Variants in NRG1 observed in about 807,000 individuals in gnomAD.
NRG1 encodes the protein pro-neuregulin-1, membrane-bound isoform.
A neutral mutation model predicts 63.8 loss-of-function variants in NRG1; 18 were observed. That is an observed-to-expected ratio of 0.28 (90% CI 0.19 to 0.42). The LOEUF is 0.42. Ranked by LOEUF, NRG1 falls within the 10% of genes least tolerant of loss-of-function variation. NRG1 has a pLI of 1.00. For missense variants in NRG1, 762 were observed against 814.7 expected (o/e 0.94, Z 0.79); for synonymous variants, 302 against 301.3 (o/e 1.00, Z -0.02).
At chr8:32,527,071 A>T (rs930757129) in intron 1 of NRG1, among the ~76,000 whole-genome samples, 2 of 152,312 alleles carry the variant, frequency 1.3e-5, no homozygotes, top group African/African-American at 2.4e-5. Context: ...ACTCAAAGAC[A>T]TTGCAAACTT....
rs533159058 is a variant in NRG1 at position 32,016,422 on chromosome 8, A to AAT, written c.37+377002_37+377003dup. Reference sequence around the variant, plus strand: ...ATGGAATAATTTATTTAGTGCTTTAAATATATATATATGTCACTAAGCCAT... The same window carrying AAT: ...ATGGAATAATTTATTTAGTGCTTTAAATATATATATATATGTCACTAAGCCAT... On this transcript the variant is annotated intron_variant, in intron 1 of 10. Transcript: ENST00000519301. Among the ~76,000 whole-genome samples the AAT allele has an allele frequency of 9.9e-5, 15 of 151,956 alleles. No homozygotes were observed. The East Asian group carries it at 1.7e-3, about 18-fold the overall frequency.
At chr8:31,720,405 C>A (rs1563326857) in intron 1 of NRG1, among the ~76,000 whole-genome samples, 1 of 152,152 alleles carries the variant, frequency 6.6e-6, no homozygotes. Context: ...CGGTAGATTG[C>A]TGCACAGATC....
intron 1 of NRG1, among the ~76,000 whole-genome samples, chr8:31,813,471 TC>T (rs1278003663): frequency 6.9e-6 from 1 of 145,968 alleles, no homozygotes; most frequent in Non-Finnish European, 1.5e-5. Flanking sequence ...GTCACTTTGA[TC>T]ATTGACTTTG....
At chr8:32,433,927 C>T (rs1326280111) in intron 1 of NRG1, among the ~76,000 whole-genome samples, 1 of 152,118 alleles carries the variant, frequency 6.6e-6, no homozygotes, top group East Asian at 1.9e-4. Flanking sequence ...AGACTTCACA[C>T]CTGTAATCCC....
chr8:31,732,987 T>C (rs1030132760), intron 1 of NRG1, among the ~76,000 whole-genome samples: 1 of 152,180 alleles, frequency 6.6e-6, no homozygotes, highest in African/African-American at 2.4e-5. Flanking sequence ...TGAGTTTCTA[T>C]TGTCTATCTT....
chr8:32,611,202 A>G (rs971681544), intron 3 of NRG1, among the ~76,000 whole-genome samples: 8 of 152,112 alleles, frequency 5.3e-5, no homozygotes, highest in Admixed American at 3.9e-4. Flanking sequence ...ATGAGATTCA[A>G]GTTCCCACAG....
At chr8:32,353,635 CA>C (rs1249742333) in intron 1 of NRG1, among the ~76,000 whole-genome samples, 3 of 152,166 alleles carry the variant, frequency 2.0e-5, no homozygotes, top group African/African-American at 7.2e-5. Flanking sequence ...AAATACCTAT[CA>C]GAATGTCTGA....
chr8:31,639,750 C>CT (rs527318845), intron 1 of NRG1: 68,864 of 1,110,748 alleles, frequency 0.062, 221 homozygotes, highest in South Asian at 0.091. Flanking sequence ...TCTATTTTGC[C>CT]TTTTTTTTTT....
intron 1 of NRG1, among the ~76,000 whole-genome samples, chr8:31,730,390 A>C (rs1485353305): frequency 1.3e-5 from 2 of 151,972 alleles, no homozygotes; most frequent in Non-Finnish European, 2.9e-5. Context: ...AGGGCTACTC[A>C]CTCTCTTTTC....
At chr8:32,570,289 A>G (rs1838301915) in intron 1 of NRG1, among the ~76,000 whole-genome samples, 2 of 152,276 alleles carry the variant, frequency 1.3e-5, no homozygotes, top group African/African-American at 4.8e-5. Context: ...TTTAGGTCTT[A>G]TAGGAAGCTT....
chr8:32,050,796 G>A (rs746523042), intron 1 of NRG1, among the ~76,000 whole-genome samples: 5 of 152,158 alleles, frequency 3.3e-5, no homozygotes, highest in African/African-American at 4.8e-5. Context: ...AAGGAACAAA[G>A]CAATGAGCAG....
chr8:32,199,245 G>C lies in NRG1; in HGVS notation c.38-396583G>C, dbSNP rs1843256005. Among the ~76,000 whole-genome samples the C allele has an allele frequency of 3.9e-5, 6 of 152,080 alleles. No homozygotes were observed. The South Asian group carries it at 1.3e-3, about 32-fold the overall frequency. On this transcript the variant is annotated intron_variant, in intron 1 of 10. Coordinates refer to the NRG1 transcript ENST00000519301. ...CTTTCTGTGGGGGCCCTCAGCTTCTGCTTTAATTCCAGCTAGATACTTTCT... is the reference window on the plus strand; with the variant it reads ...CTTTCTGTGGGGGCCCTCAGCTTCTCCTTTAATTCCAGCTAGATACTTTCT...
chr8:32,463,093 A>G (rs933474426), intron 1 of NRG1, among the ~76,000 whole-genome samples: 3 of 151,424 alleles, frequency 2.0e-5, no homozygotes, highest in Non-Finnish European at 4.4e-5. Flanking sequence ...CTTATAGTTC[A>G]CTTAGCAGGT....
At chr8:32,448,948 C>T (rs1820619629) in intron 1 of NRG1, among the ~76,000 whole-genome samples, 1 of 151,952 alleles carries the variant, frequency 6.6e-6, no homozygotes, top group South Asian at 2.1e-4. Context: ...GGAGGTGAGT[C>T]TCTGAATAAC....
chr8:32,017,188 T>C (rs1815674959), intron 1 of NRG1, among the ~76,000 whole-genome samples: 1 of 152,206 alleles, frequency 6.6e-6, no homozygotes. Context: ...AGAAAAGCCT[T>C]ATCTCTGCAT....
chr8:32,190,215 CTCTT>C (rs201079540), intron 1 of NRG1, among the ~76,000 whole-genome samples: 6,282 of 150,388 alleles, frequency 0.042, 194 homozygotes, highest in Middle Eastern at 0.089. Context: ...TTTCTATTTA[CTCTT>C]TCTTTTTTAA....
At chr8:32,661,689 A>G (rs1349032534) in intron 5 of NRG1, among the ~76,000 whole-genome samples, 2 of 151,818 alleles carry the variant, frequency 1.3e-5, no homozygotes, top group Non-Finnish European at 2.9e-5. Context: ...ATGGTGGAAG[A>G]CTTTATTTTT....
At chr8:31,678,000 A>T (rs1807898004) in intron 1 of NRG1, among the ~76,000 whole-genome samples, 1 of 151,368 alleles carries the variant, frequency 6.6e-6, no homozygotes. Flanking sequence ...AGTTCATCTG[A>T]TTCTTCAGCT....
At chr8:32,708,424 A>G (rs1234936211) in intron 5 of NRG1, among the ~76,000 whole-genome samples, 3 of 152,186 alleles carry the variant, frequency 2.0e-5, no homozygotes, top group African/African-American at 7.2e-5. Context: ...CTTGGTTTTT[A>G]TTTGTACATG....
Sources: gnomAD v4.1 joint callset for allele counts (sites outside exome capture counted in the v4.1 genomes callset) on GRCh38, gnomAD v4.1.1 for gene constraint, MANE v1.5 for transcripts, NCBI Gene and HGNC (gene_info 2026-07-23, HGNC 2026-07-21) for gene names.